COL6A1: variants seen among roughly 807,000 people sequenced by gnomAD.
The protein encoded by COL6A1 is collagen alpha-1(VI) chain.
Under a neutral mutation model 145.6 loss-of-function variants are expected in COL6A1, and 80 were observed. The ratio of observed to expected loss-of-function variants is 0.55; its 90% CI spans 0.46 to 0.66. The LOEUF is 0.66. Among genes scored for constraint, COL6A1 ranks in the 30% least tolerant of loss-of-function variants. COL6A1 has a pLI of 0.00. For missense variants in COL6A1, 1,364 were observed against 1,473.8 expected (o/e 0.93, Z 1.22); for synonymous variants, 638 against 622.8 (o/e 1.02, Z -0.36).
chr21:45,998,447 C>T lies in COL6A1; in HGVS notation c.1611+14C>T, dbSNP rs1416821689. 4 of 1,613,250 alleles carry T rather than the reference C, an allele frequency of 2.5e-6. No individual in the cohort carries two copies. In the South Asian group the frequency reaches 4.4e-5, roughly 18 times the overall value. ...CCCGGGATAAACGTGAGTACGCCCCCTCCTCCATCTGGCTGTGGGCACACA... is the reference window on the plus strand; with the variant it reads ...CCCGGGATAAACGTGAGTACGCCCCTTCCTCCATCTGGCTGTGGGCACACA... On this transcript the variant is annotated intron_variant, in intron 24 of 34. Transcript: ENST00000361866.
Position 45,999,586 on chromosome 21 carries a change from G to A in COL6A1, c.1741-71G>A, listed in dbSNP as rs553123356. The A allele has an allele frequency of 1.5e-4, 227 of 1,545,834 alleles. 1 individual carries two copies. In the African/African-American group the frequency reaches 2.7e-3, roughly 18 times the overall value. ...ATGAGGGGCAGGGCCCTGGGGGTGGGGGCTGTCTCAGCTCAGGAAGCACAG... is the reference window on the plus strand; with the variant it reads ...ATGAGGGGCAGGGCCCTGGGGGTGGAGGCTGTCTCAGCTCAGGAAGCACAG... On this transcript the variant is annotated intron_variant, in intron 26 of 34. Transcript: ENST00000361866.
At chr21:45,981,982 C>T (rs749679008) in intron 1 of COL6A1, 35 bp downstream of exon 1, 12 of 1,525,940 alleles carry the variant, frequency 7.9e-6, no homozygotes, top group Non-Finnish European at 1.1e-5. Context: ...CTCCAGACCC[C>T]CCGCTCTTTG....
At chr21:45,995,122 C>T (rs963670737) in intron 20 of COL6A1, among the ~76,000 whole-genome samples, 3 of 152,162 alleles carry the variant, frequency 2.0e-5, no homozygotes, top group Non-Finnish European at 2.9e-5. Flanking sequence ...GTGGTGCCAA[C>T]GGGTGTTACA....
intron 2 of COL6A1, 126 bp downstream of exon 2, chr21:45,982,889 C>A: frequency 7.2e-7 from 1 of 1,395,808 alleles, no homozygotes; most frequent in Non-Finnish European, 1.0e-6. Flanking sequence ...TTGCCCTGAC[C>A]GGGGCCCCTC....
Position 46,002,625 on chromosome 21 carries a change from G to T in COL6A1, c.2349G>T (p.Arg783=), listed in dbSNP as rs373511343. The T allele has an allele frequency of 2.2e-5, 35 of 1,613,872 alleles. No individual in the cohort carries two copies. In the African/African-American group the frequency reaches 3.9e-4, roughly 18 times the overall value. The change falls in exon 33 of 35, where the codon CGG becomes CGT. Residue 783 remains arginine (R), a synonymous_variant. Coordinates refer to ENST00000361866, the MANE Select transcript of COL6A1 (RefSeq NM_001848.3). ...SCQGLAPSQG[R]PGLSLVKENY... ...AAGGCCTGGCACCATCCCAGGGCCG[G>T]CCCGGCCTCTCGCTGGTCAAGGAGA...
Position 45,981,781 on chromosome 21 carries a change from T to A in COL6A1, c.-70T>A. ...CTCTGGCTGGGAGCAGAAGGCAGCC[T>A]CGGTCTCTGGGCGGCGGCGGCGGCC... On this transcript the variant is annotated 5_prime_UTR_variant, in exon 1 of 35. Coordinates refer to ENST00000361866, the MANE Select transcript of COL6A1 (RefSeq NM_001848.3). 1 of 1,217,548 alleles carries A rather than the reference T, an allele frequency of 8.2e-7. No individual in the cohort carries two copies. Among genetic ancestry groups the A allele is most frequent in the Non-Finnish European group, 1.1e-6 (1 of 873,494 alleles). 75.4% of individuals were successfully genotyped at this position (1,217,548 alleles called of 1,614,324 possible).
chr21:45,987,467 C>T (rs1241791068), intron 6 of COL6A1, 32 bp from the exon 7 acceptor site: 1 of 1,612,944 alleles, frequency 6.2e-7, no homozygotes, highest in Admixed American at 1.7e-5. Flanking sequence ...GTGGCTTTCC[C>T]ACTGACTCGT....
chr21:46,001,640 G>A (rs2077846013), intron 30 of COL6A1, among the ~76,000 whole-genome samples: 3 of 152,238 alleles, frequency 2.0e-5, no homozygotes, highest in African/African-American at 7.2e-5. Flanking sequence ...GTAGTCTGGG[G>A]TCCTGAGTGC....
chr21:45,984,232 CCGCCCGCCTCA>C (rs776902231), intron 2 of COL6A1, 26 bp from the exon 3 acceptor site: 5 of 1,567,074 alleles, frequency 3.2e-6, no homozygotes, highest in South Asian at 2.3e-5. Context: ...GCGCCAGGGG[CCGCCCGCCTCA>C]CGCCCGCCGT....
At chr21:46,002,775 TCCCAGATCTGCGTAGGTGCA>T in intron 33 of COL6A1, 65 bp downstream of exon 33, 1 of 1,491,280 alleles carries the variant, frequency 6.7e-7, no homozygotes, top group South Asian at 1.2e-5. Flanking sequence ...GCCCGGGCAG[TCCCAGATCTGCGTAGGTGCA>T]CGCGGGGCCG....
At chr21:45,997,797 G>T in intron 22 of COL6A1, 35 bp downstream of exon 22, 1 of 1,555,742 alleles carries the variant, frequency 6.4e-7, no homozygotes, top group East Asian at 2.4e-5. Flanking sequence ...TAGGGCGGAG[G>T]CCTGGCCGCC....
intron 1 of COL6A1, among the ~76,000 whole-genome samples, chr21:45,982,167 C>A (rs1021463640): frequency 3.3e-5 from 5 of 152,158 alleles, no homozygotes; most frequent in Non-Finnish European, 5.9e-5. Flanking sequence ...TCAGCGGGGC[C>A]GGACCGCAGG....
intron 3 of COL6A1, among the ~76,000 whole-genome samples, chr21:45,986,311 C>T (rs879888518): frequency 1.3e-5 from 2 of 152,162 alleles, no homozygotes; most frequent in African/African-American, 2.4e-5. Flanking sequence ...CCTGGGAGGG[C>T]GTGGATTTTC....
intron 3 of COL6A1, among the ~76,000 whole-genome samples, chr21:45,984,793 C>T (rs1228253148): frequency 6.8e-6 from 1 of 146,366 alleles, no homozygotes; most frequent in Non-Finnish European, 1.5e-5. Flanking sequence ...GACAGAGACA[C>T]AGAGAGAGAC....
chr21:45,983,940 A>T (rs1228941045), intron 2 of COL6A1, among the ~76,000 whole-genome samples: 6 of 152,130 alleles, frequency 3.9e-5, no homozygotes, highest in African/African-American at 1.4e-4. Context: ...GAGGGCAGCG[A>T]GGGGGCTGCT....
chr21:46,003,305 C>G, intron 34 of COL6A1, 86 bp from the exon 35 acceptor site: 1 of 1,603,546 alleles, frequency 6.2e-7, no homozygotes, highest in Admixed American at 1.7e-5. Flanking sequence ...CGTGCCCTCT[C>G]TGGGGAGCTT....
intron 27 of COL6A1, among the ~76,000 whole-genome samples, chr21:45,999,938 G>GAAGACCC (rs1569518895): frequency 9.4e-5 from 6 of 63,560 alleles, no homozygotes; most frequent in Non-Finnish European, 1.3e-4. Flanking sequence ...AGGATCATGG[G>GAAGACCC]GGGGACGTGT....
chr21:45,989,380 C>T lies in COL6A1; in HGVS notation c.859-228C>T, dbSNP rs538784416. ...GGGGAGGTGGCCCAGGGTGCTCAGG[C>T]CGGCACCGTCCGGGGCCCCTGCCGT... On this transcript the variant is annotated intron_variant, in intron 9 of 34. Coordinates refer to ENST00000361866, the MANE Select transcript of COL6A1 (RefSeq NM_001848.3). 7.9e-4 allele frequency among the ~76,000 whole-genome samples: 120 copies of T among 152,330 alleles called. 1 individual carries two copies. The highest frequency in any genetic ancestry group is 2.6e-3 in the African/African-American group (109 of 41,584).
intron 14 of COL6A1, 58 bp from the exon 15 acceptor site, chr21:45,990,921 G>A (rs767206483): frequency 6.2e-4 from 1,005 of 1,610,108 alleles, no homozygotes; most frequent in Non-Finnish European, 5.9e-4. Flanking sequence ...GTCTGGGGCT[G>A]CTGCCAGAGG....
Sources: gnomAD v4.1 joint callset for allele counts (sites outside exome capture counted in the v4.1 genomes callset) on GRCh38, gnomAD v4.1.1 for gene constraint, MANE v1.5 for transcripts, NCBI Gene and HGNC (gene_info 2026-07-23, HGNC 2026-07-21) for gene names.